Variants in HERPUD2 observed in about 807,000 individuals in gnomAD.
HERPUD2 encodes the protein HERPUD family member 2, also known as homocysteine-responsive endoplasmic reticulum-resident ubiquitin-like domain member 2 protein.
A neutral mutation model predicts 49.9 loss-of-function variants in HERPUD2; 13 were observed. The observed-to-expected ratio is 0.26, with a 90% confidence interval of 0.17 to 0.41. HERPUD2 has a LOEUF of 0.41. Among genes scored for constraint, HERPUD2 ranks in the 10% least tolerant of loss-of-function variants. HERPUD2 has a pLI of 1.00. For synonymous variants in HERPUD2, 172 were observed against 171.4 expected (o/e 1.00, Z -0.03); for missense variants, 449 against 492.2 (o/e 0.91, Z 0.83).
chr7:35,647,034 C>A (rs767456743), intron 5 of HERPUD2, among the ~76,000 whole-genome samples: 1 of 151,510 alleles, frequency 6.6e-6, no homozygotes, highest in Non-Finnish European at 1.5e-5. Flanking sequence ...GAAAGCTATA[C>A]CAAAATACAA....
chr7:35,638,512 A>G, intron 5 of HERPUD2, 40 bp from the exon 6 acceptor site: 2 of 1,572,872 alleles, frequency 1.3e-6, no homozygotes, highest in South Asian at 2.3e-5. Context: ...ATGCTCTAGC[A>G]GCTAAAAGTA....
At chr7:35,684,414 A>G (rs930182346) in intron 2 of HERPUD2, among the ~76,000 whole-genome samples, 2 of 151,878 alleles carry the variant, frequency 1.3e-5, no homozygotes, top group African/African-American at 2.4e-5. Context: ...AAAAAAAAAA[A>G]GATACTTGCA....
chr7:35,641,476 T>C (rs1784966434), intron 5 of HERPUD2, among the ~76,000 whole-genome samples: 3 of 152,168 alleles, frequency 2.0e-5, no homozygotes, highest in African/African-American at 7.2e-5. Context: ...AAAACTATTT[T>C]AAAATCCTTA....
At chr7:35,682,082 G>C (rs1164501945) in intron 2 of HERPUD2, among the ~76,000 whole-genome samples, 2 of 151,836 alleles carry the variant, frequency 1.3e-5, no homozygotes. Flanking sequence ...TTGTCACCCA[G>C]GCTGGAGTAC....
At chr7:35,640,565 T>TGG (rs1784953658) in intron 5 of HERPUD2, among the ~76,000 whole-genome samples, 1 of 152,178 alleles carries the variant, frequency 6.6e-6, no homozygotes, top group Non-Finnish European at 1.5e-5. Flanking sequence ...TTTTCCCTAA[T>TGG]AAGTTAGAAA....
intron 5 of HERPUD2, among the ~76,000 whole-genome samples, chr7:35,648,826 A>G (rs1785103974): frequency 6.6e-6 from 1 of 152,246 alleles, no homozygotes; most frequent in African/African-American, 2.4e-5. Context: ...GAACAAGAAA[A>G]ATAAAATGTA....
chr7:35,674,448 GAGAGAGAGAGA>G (rs1562682889), intron 2 of HERPUD2, among the ~76,000 whole-genome samples: 3 of 126,220 alleles, frequency 2.4e-5, no homozygotes, highest in South Asian at 2.8e-4. Flanking sequence ...GAGAGAGAGA[GAGAGAGAGAGA>G]GAGAGGAGCA....
intron 3 of HERPUD2, 150 bp downstream of exon 3, chr7:35,673,051 G>A (rs578103747): frequency 5.2e-6 from 3 of 573,244 alleles, no homozygotes; most frequent in South Asian, 2.4e-5. Flanking sequence ...AAACTATCAT[G>A]TTACTTTCTA....
intron 5 of HERPUD2, among the ~76,000 whole-genome samples, chr7:35,650,848 G>A (rs537160908): frequency 5.3e-5 from 8 of 152,232 alleles, no homozygotes; most frequent in Non-Finnish European, 8.8e-5. Flanking sequence ...TGGGGATCAC[G>A]CCATCCTCGC....
At chr7:35,655,001 T>C (rs1022458371) in intron 5 of HERPUD2, among the ~76,000 whole-genome samples, 5 of 152,126 alleles carry the variant, frequency 3.3e-5, no homozygotes, top group Non-Finnish European at 2.9e-5. Flanking sequence ...ATTATAGGCA[T>C]GCACCACGAC....
chr7:35,634,996 G>T, intron 7 of HERPUD2, 139 bp downstream of exon 7: 2 of 618,198 alleles, frequency 3.2e-6, no homozygotes, highest in South Asian at 2.3e-5. Flanking sequence ...CTTGCTTTTG[G>T]CATCAAAAAC....
intron 5 of HERPUD2, among the ~76,000 whole-genome samples, chr7:35,656,180 AAAAGAAAT>A (rs1785271603): frequency 6.6e-6 from 1 of 152,142 alleles, no homozygotes; most frequent in Non-Finnish European, 1.5e-5. Flanking sequence ...TAAAATTAAA[AAAAGAAAT>A]AAATAAATAC....
At chr7:35,673,351 A>G in intron 2 of HERPUD2, 73 bp from the exon 3 acceptor site, 2 of 1,092,220 alleles carry the variant, frequency 1.8e-6, no homozygotes, top group Non-Finnish European at 2.8e-6. Context: ...TAACATGCCT[A>G]ATTATGGGTA....
chr7:35,641,298 A>T (rs530074294), intron 5 of HERPUD2, among the ~76,000 whole-genome samples: 1 of 152,182 alleles, frequency 6.6e-6, no homozygotes. Context: ...GTTAAAACAC[A>T]ATTACAAAAT....
chr7:35,657,629 C>CG (rs1785305698), intron 5 of HERPUD2, among the ~76,000 whole-genome samples: 1 of 142,528 alleles, frequency 7.0e-6, no homozygotes, highest in South Asian at 2.2e-4. Flanking sequence ...AAAAAAAGGC[C>CG]GGGCGCGGTG....
rs187935009 is a variant in HERPUD2, at chr7:35,670,231, G to A, written c.323C>T (p.Ala108Val). 2 of 1,559,332 alleles carry A rather than the reference G, an allele frequency of 1.3e-6. No individual in the cohort carries two copies. The highest frequency in any genetic ancestry group is 3.5e-5 in the Admixed American group (2 of 56,924). Residue 108 changes from alanine to valine, a missense_variant, in exon 4 of 9, where the codon GCA becomes GTA. Ala to Val is a moderately conservative substitution (Grantham distance 64). Transcript: ENST00000311350. ...ACAACTCACAGAATTGCTGCTGGAT[G>A]CCAATGCTTCATGACTTTCTCTATT... is the stretch of plus-strand genomic sequence containing the variant. ...STNRESHEALASSSNSSSDHS... is the reference protein window; with the variant it reads ...STNRESHEALVSSSNSSSDHS...
At position 35,672,268 on chromosome 7, in the gene HERPUD2, TAA is replaced by T. The variant is rs70974760; in HGVS notation, c.225+931_225+932del. Among the ~76,000 whole-genome samples the T allele has an allele frequency of 4.2e-5, 6 of 143,062 alleles. No individual in the cohort carries two copies. In the East Asian group the frequency reaches 9.9e-4, roughly 24 times the overall value. The allele number at this position is 143,062 out of a possible 152,430, so 93.9% of individuals were successfully genotyped here. ...CCTAAAACAGCTCTAAAAAATTGTT[TAA>T]AAAAAAAAAAGAGGAAAGAAAGAAA... On this transcript the variant is annotated intron_variant, in intron 3 of 8. Coordinates refer to ENST00000311350, the MANE Select transcript of HERPUD2 (RefSeq NM_022373.5).
intron 4 of HERPUD2, 59 bp from the exon 5 acceptor site, chr7:35,667,647 C>G: frequency 7.5e-7 from 1 of 1,332,790 alleles, no homozygotes; most frequent in Non-Finnish European, 1.1e-6. Context: ...CATAAAATTA[C>G]AGGCACATTA....
At chr7:35,676,217 T>C (rs1327783218) in intron 2 of HERPUD2, among the ~76,000 whole-genome samples, 1 of 152,226 alleles carries the variant, frequency 6.6e-6, no homozygotes, top group Non-Finnish European at 1.5e-5. Context: ...GCTATTTATG[T>C]GTTGAAGAAA....
Sources: gnomAD v4.1 joint callset for allele counts (sites outside exome capture counted in the v4.1 genomes callset) on GRCh38, gnomAD v4.1.1 for gene constraint, MANE v1.5 for transcripts, NCBI Gene and HGNC (gene_info 2026-07-23, HGNC 2026-07-21) for gene names.